Variants in AGTPBP1 observed in about 807,000 individuals in gnomAD.
The protein encoded by AGTPBP1 is cytosolic carboxypeptidase 1.
In AGTPBP1, 70 loss-of-function variants were observed where a neutral mutation model predicts 143.9. The observed-to-expected ratio is 0.49, with a 90% CI of 0.40 to 0.59. The LOEUF is 0.59. Among genes scored for constraint, AGTPBP1 ranks in the 20% least tolerant of loss-of-function variants. AGTPBP1 has a pLI of 0.00. For synonymous variants in AGTPBP1, 463 were observed against 500.2 expected (o/e 0.93, Z 0.99); for missense variants, 1,229 against 1,464.5 (o/e 0.84, Z 2.62).
At chr9:85,566,862 GAGGCTGAGAAAATA>G (rs749232542) in intron 25 of AGTPBP1, among the ~76,000 whole-genome samples, 2 of 152,192 alleles carry the variant, frequency 1.3e-5, no homozygotes, top group Non-Finnish European at 2.9e-5. Flanking sequence ...CTTTAGAAAG[GAGGCTGAGAAAATA>G]AGGCTGAGAC....
At chr9:85,595,720 T>A (rs1441336108) in intron 18 of AGTPBP1, among the ~76,000 whole-genome samples, 2 of 152,024 alleles carry the variant, frequency 1.3e-5, no homozygotes, top group Non-Finnish European at 2.9e-5. Context: ...ACAGACAGGG[T>A]TTCACCATGT....
At chr9:85,689,822 G>C (rs957413093) in intron 3 of AGTPBP1, among the ~76,000 whole-genome samples, 2 of 145,026 alleles carry the variant, frequency 1.4e-5, no homozygotes, top group South Asian at 2.2e-4. Flanking sequence ...TTGAACTCGG[G>C]AAGTGGAGGT....
the AGTPBP1 span, chr9:85,781,280 T>C: frequency 3.8e-6 from 6 of 1,559,942 alleles, no homozygotes; most frequent in Middle Eastern, 1.7e-4. Context: ...GATCTTTATT[T>C]CTATAAGAAA....
At chr9:85,609,715 C>T (rs1830203837) in intron 17 of AGTPBP1, among the ~76,000 whole-genome samples, 1 of 152,096 alleles carries the variant, frequency 6.6e-6, no homozygotes, top group Non-Finnish European at 1.5e-5. Context: ...TAAGGAATGA[C>T]AGGGATATCT....
chr9:85,718,251 C>T (rs1450199985), intron 1 of AGTPBP1, among the ~76,000 whole-genome samples: 1 of 152,236 alleles, frequency 6.6e-6, no homozygotes, highest in Non-Finnish European at 1.5e-5. Context: ...GCCACACTGT[C>T]TTCCACAATG....
intron 14 of AGTPBP1, among the ~76,000 whole-genome samples, chr9:85,630,417 G>T (rs1210755941): frequency 1.5e-5 from 2 of 137,804 alleles, no homozygotes; most frequent in Non-Finnish European, 1.6e-5. Context: ...TTTATTTATT[G>T]AGACAGAGTC....
chr9:85,767,409 G>A, the AGTPBP1 span, among the ~76,000 whole-genome samples: 4 of 150,090 alleles, frequency 2.7e-5, no homozygotes, highest in Non-Finnish European at 4.4e-5. Context: ...GTGCAGTGGC[G>A]CGATCTCAGC....
At chr9:85,654,747 G>A (rs1457980560) in intron 11 of AGTPBP1, among the ~76,000 whole-genome samples, 1 of 151,940 alleles carries the variant, frequency 6.6e-6, no homozygotes, top group Non-Finnish European at 1.5e-5. Flanking sequence ...GGAGGCTGAG[G>A]CAGGAGAATT....
intron 3 of AGTPBP1, among the ~76,000 whole-genome samples, chr9:85,689,101 C>G (rs1204594456): frequency 6.6e-6 from 1 of 152,104 alleles, no homozygotes; most frequent in Non-Finnish European, 1.5e-5. Flanking sequence ...CCTCCAAGAG[C>G]GTGCATATAG....
At chr9:85,705,710 A>G (rs1218496216) in intron 2 of AGTPBP1, among the ~76,000 whole-genome samples, 3 of 152,104 alleles carry the variant, frequency 2.0e-5, no homozygotes, top group Non-Finnish European at 2.9e-5. Context: ...GTTTTTTTTG[A>G]GACGGAGTCT....
chr9:85,582,600 A>G (rs2133130046), intron 23 of AGTPBP1, among the ~76,000 whole-genome samples: 1 of 152,152 alleles, frequency 6.6e-6, no homozygotes, highest in Non-Finnish European at 1.5e-5. Context: ...CAATCATTTG[A>G]ACCAGGGAGA....
chr9:85,785,886 A>C, the AGTPBP1 span: 3 of 390,840 alleles, frequency 7.7e-6, no homozygotes, highest in Non-Finnish European at 1.4e-5. Flanking sequence ...CCATGAATTA[A>C]AGTTGTGAGT....
rs139846160 is a variant in AGTPBP1, at chr9:85,641,384, G to A, written c.1302+1443C>T. 6.5e-3 allele frequency among the ~76,000 whole-genome samples: 991 copies of A among 152,188 alleles called. 5 individuals are homozygous for A. The highest frequency in any genetic ancestry group is 0.034 in the Middle Eastern group (10 of 294). On this transcript the variant is annotated intron_variant, in intron 13 of 25. Coordinates refer to ENST00000357081, the MANE Select transcript of AGTPBP1 (RefSeq NM_001330701.2). ...ACACAAATGTGTTAAAAGAGCTCAC[G>A]GATAACTGCTGTAGGTTGAATGAAA...
rs1466976535 is a variant in AGTPBP1 at position 85,600,363 on chromosome 9, A to T, written c.2336-3914T>A. ...ATAGTTTCAACAGTGACTACAGGAG[A>T]CAGAGGAGGGGCTTCAAGATGGCTG... On this transcript the variant is annotated intron_variant, in intron 17 of 25. Transcript: ENST00000357081. 3.3e-5 allele frequency among the ~76,000 whole-genome samples: 5 copies of T among 152,288 alleles called. No individual in the cohort carries two copies. In the East Asian group the frequency reaches 7.7e-4, roughly 24 times the overall value.
chr9:85,686,510 C>T (rs1835495948), intron 3 of AGTPBP1, among the ~76,000 whole-genome samples: 1 of 152,104 alleles, frequency 6.6e-6, no homozygotes, highest in Admixed American at 6.6e-5. Context: ...CTCCACAACT[C>T]CTTCTAAGAA....
At chr9:85,746,325 A>G (rs1290826127), upstream of AGTPBP1, among the ~76,000 whole-genome samples, 2 of 152,020 alleles carry the variant, frequency 1.3e-5, no homozygotes, top group Non-Finnish European at 2.9e-5. Flanking sequence ...ACCCACCCAC[A>G]TGTGTCTGTG....
chr9:85,606,828 T>A (rs983085904), intron 17 of AGTPBP1, among the ~76,000 whole-genome samples: 1 of 151,978 alleles, frequency 6.6e-6, no homozygotes, highest in African/African-American at 2.4e-5. Context: ...ATGTTCTCAC[T>A]CATATGTGGT....
intron 9 of AGTPBP1, among the ~76,000 whole-genome samples, chr9:85,659,682 T>TA (rs1833737704): frequency 6.6e-6 from 1 of 152,136 alleles, no homozygotes; most frequent in African/African-American, 2.4e-5. Flanking sequence ...TTTACTAACT[T>TA]AGAATTAGTG....
chr9:85,789,833 G>A, the AGTPBP1 span, among the ~76,000 whole-genome samples: 2 of 152,194 alleles, frequency 1.3e-5, no homozygotes, highest in Admixed American at 1.3e-4. Context: ...CTTATATTAA[G>A]TTTTGGAATG....
Sources: gnomAD v4.1 joint callset for allele counts (sites outside exome capture counted in the v4.1 genomes callset) on GRCh38, gnomAD v4.1.1 for gene constraint, MANE v1.5 for transcripts, NCBI Gene and HGNC (gene_info 2026-07-23, HGNC 2026-07-21) for gene names.